The following HCRTR2 variants were observed in gnomAD, a reference collection of about 807,000 sequenced individuals.
HCRTR2 encodes the protein hypocretin receptor 2.
A neutral mutation model predicts 49.0 loss-of-function variants in HCRTR2; 22 were observed. The observed-to-expected ratio is 0.45, with a 90% CI of 0.32 to 0.64. The LOEUF (loss-of-function observed/expected upper bound fraction) is 0.64, where lower values mean the gene tolerates loss of function less well. Among genes scored for constraint, HCRTR2 ranks in the 30% least tolerant of loss-of-function variants. The pLI is 0.04. For synonymous variants in HCRTR2, 236 were observed against 205.3 expected, an observed-to-expected ratio of 1.15 and a Z score of -1.28; for missense variants, 491 against 559.4, an observed-to-expected ratio of 0.88 and a Z score of 1.23.
intron 2 of HCRTR2, among the ~76,000 whole-genome samples, chr6:55,253,625 C>T (rs1766594462): frequency 6.6e-6 from 1 of 152,050 alleles, no homozygotes; most frequent in Non-Finnish European, 1.5e-5. Flanking sequence ...GTGGAATCAA[C>T]CTAAATGCCC....
At chr6:55,220,410 A>G (rs962049183) in intron 1 of HCRTR2, among the ~76,000 whole-genome samples, 3 of 152,222 alleles carry the variant, frequency 2.0e-5, no homozygotes, top group African/African-American at 7.2e-5. Flanking sequence ...ACATATGAAT[A>G]TCAATCAATG....
chr6:55,248,775 G>T lies in HCRTR2; in HGVS notation c.360G>T (p.Trp120Cys). Residue 120 changes from tryptophan to cysteine, a missense_variant, in exon 2 of 7, where the codon TGG becomes TGT. Coordinates refer to ENST00000370862, the MANE Select transcript of HCRTR2 (RefSeq NM_001384272.1). ...TGGTCGTGGATATCACTGAGACCTG[G>T]TTTTTTGGACAGTCCCTTTGCAAAG... The part of the protein sequence containing the change: ...ATLVVDITET[W>C]FFGQSLCKVI... 1 of 1,613,444 alleles carries T rather than the reference G, an allele frequency of 6.2e-7. No homozygotes were observed. The highest frequency in any genetic ancestry group is 8.5e-7 in the Non-Finnish European group (1 of 1,179,516).
intron 3 of HCRTR2, among the ~76,000 whole-genome samples, chr6:55,262,016 T>G (rs1331943393): frequency 6.6e-6 from 1 of 151,992 alleles, no homozygotes; most frequent in Non-Finnish European, 1.5e-5. Flanking sequence ...CTAAGTGAAG[T>G]AATTCAGGAA....
intron 1 of HCRTR2, among the ~76,000 whole-genome samples, chr6:55,209,788 G>C (rs1264030113): frequency 6.6e-6 from 1 of 151,784 alleles, no homozygotes; most frequent in Non-Finnish European, 1.5e-5. Flanking sequence ...TCATTAACTT[G>C]CAATTTGTGG....
chr6:55,193,625 G>A (rs953593363), intron 1 of HCRTR2, among the ~76,000 whole-genome samples: 3 of 149,678 alleles, frequency 2.0e-5, no homozygotes, highest in Non-Finnish European at 4.4e-5. Flanking sequence ...GCATTCCTAT[G>A]GTCCTCACCT....
intron 1 of HCRTR2, among the ~76,000 whole-genome samples, chr6:55,122,068 A>T (rs1764208420): frequency 6.6e-6 from 1 of 152,178 alleles, no homozygotes; most frequent in African/African-American, 2.4e-5. Context: ...ATCTGGTAGA[A>T]TTCAGCTGTG....
At position 55,280,342 on chromosome 6, in the gene HCRTR2, C is replaced by T. The variant is rs1366132518; in HGVS notation, c.1003C>T (p.His335Tyr). 2 of 1,608,024 alleles carry T rather than the reference C, an allele frequency of 1.2e-6. No homozygotes were observed. The highest frequency in any genetic ancestry group is 1.1e-5 in the South Asian group (1 of 90,942). Residue 335 changes from histidine to tyrosine, a missense_variant, in exon 6 of 7, where the codon CAT becomes TAT. By Grantham distance (83) the His-to-Tyr change is moderately conservative. Transcript: ENST00000370862. ...CTGCAGAGTATTTGGGATGTTTGCC[C>T]ATACTGAAGACAGAGAGACTGTGTA... ...VLKRVFGMFA[H>Y]TEDRETVYAW... is the part of the protein sequence containing the mutation.
At chr6:55,239,039 C>T (rs1180600039) in intron 1 of HCRTR2, among the ~76,000 whole-genome samples, 1 of 152,118 alleles carries the variant, frequency 6.6e-6, no homozygotes, top group Admixed American at 6.5e-5. Flanking sequence ...TAAGACATCA[C>T]ACTGGGAACG....
intron 1 of HCRTR2, among the ~76,000 whole-genome samples, chr6:55,207,344 AT>A (rs899664873): frequency 2.5e-4 from 38 of 151,986 alleles, no homozygotes; most frequent in Middle Eastern, 3.4e-3. Flanking sequence ...GTAGAACAGA[AT>A]TTTTTTTGCC....
At chr6:55,237,046 A>G (rs966544967) in intron 1 of HCRTR2, among the ~76,000 whole-genome samples, 2 of 152,034 alleles carry the variant, frequency 1.3e-5, no homozygotes, top group South Asian at 4.1e-4. Context: ...ATTAGTTTGT[A>G]TAATCCTATT....
chr6:55,143,429 C>T (rs1184027514), intron 1 of HCRTR2, among the ~76,000 whole-genome samples: 1 of 152,094 alleles, frequency 6.6e-6, no homozygotes, highest in Non-Finnish European at 1.5e-5. Context: ...ATGTCTTTGC[C>T]TTCCCTGCAA....
intron 1 of HCRTR2, among the ~76,000 whole-genome samples, chr6:55,245,503 A>ATATATATATATATATATATATATC: frequency 8.0e-6 from 1 of 124,530 alleles, no homozygotes; most frequent in Non-Finnish European, 1.7e-5. Flanking sequence ...ATATATATAT[A>ATATATATATATATATATATATATC]TATCTTCCCC....
chr6:55,229,575 T>C (rs1766075681), intron 1 of HCRTR2, among the ~76,000 whole-genome samples: 1 of 152,170 alleles, frequency 6.6e-6, no homozygotes, highest in South Asian at 2.1e-4. Flanking sequence ...GGTATCTTTC[T>C]GAATGCAACA....
At chr6:55,231,228 C>T (rs966850350) in intron 1 of HCRTR2, among the ~76,000 whole-genome samples, 9 of 152,030 alleles carry the variant, frequency 5.9e-5, no homozygotes, top group African/African-American at 2.2e-4. Flanking sequence ...TAATAATAGA[C>T]ATACAGGTAT....
chr6:55,219,439 G>T (rs983987457), intron 1 of HCRTR2, among the ~76,000 whole-genome samples: 5 of 152,056 alleles, frequency 3.3e-5, no homozygotes, highest in Non-Finnish European at 5.9e-5. Flanking sequence ...ATAAATTCTT[G>T]AACAGTCCAT....
Position 55,282,330 on chromosome 6 carries a change from G to A in HCRTR2, c.1211G>A (p.Arg404Gln), listed in dbSNP as rs1461751609. The change falls in exon 7 of 7, where the codon CGG becomes CAG. Residue 404 changes from arginine (R) to glutamine (Q), a missense_variant. Transcript: ENST00000370862. ...AGGGGACGAACTAGCACAGAGAGCC[G>A]GAAGTCCTTGACCACTCAAATCAGC... The part of the protein sequence containing the change: ...LTRGRTSTES[R>Q]KSLTTQISNF... 7.4e-6 allele frequency: 12 copies of A among 1,613,422 alleles called. No individual in the cohort carries two copies. Among genetic ancestry groups the A allele is most frequent in the East Asian group, 4.5e-5 (2 of 44,850 alleles).
intron 1 of HCRTR2, among the ~76,000 whole-genome samples, chr6:55,123,236 C>T (rs1258761188): frequency 6.6e-6 from 1 of 151,922 alleles, no homozygotes; most frequent in Non-Finnish European, 1.5e-5. Context: ...CCAGGTTTTG[C>T]CCATTCAGTA....
At chr6:55,148,239 T>C (rs558576232) in intron 1 of HCRTR2, among the ~76,000 whole-genome samples, 1 of 152,058 alleles carries the variant, frequency 6.6e-6, no homozygotes, top group Admixed American at 6.6e-5. Context: ...GAAATGATCG[T>C]GTGTGTGTGC....
At chr6:55,177,305 T>G (rs1202637796) in intron 1 of HCRTR2, among the ~76,000 whole-genome samples, 4 of 152,194 alleles carry the variant, frequency 2.6e-5, no homozygotes, top group African/African-American at 7.2e-5. Flanking sequence ...AATGCATTCT[T>G]TTCTGACATA....
Sources: gnomAD v4.1 joint callset for allele counts (sites outside exome capture counted in the v4.1 genomes callset) on GRCh38, gnomAD v4.1.1 for gene constraint, MANE v1.5 for transcripts, NCBI Gene and HGNC (gene_info 2026-07-23, HGNC 2026-07-21) for gene names.